PCDH17: variants seen among roughly 807,000 people sequenced by gnomAD.
PCDH17 encodes protocadherin-17.
Under a neutral mutation model 67.7 loss-of-function variants are expected in PCDH17, and 21 were observed. The observed-to-expected ratio is 0.31, with a 90% CI of 0.22 to 0.45. The LOEUF (loss-of-function observed/expected upper bound fraction) is 0.45. Ranked by LOEUF, PCDH17 falls within the 20% of genes least tolerant of loss-of-function variation. PCDH17 has a pLI of 1.00. For missense variants in PCDH17, 1,471 were observed against 1,564.8 expected (o/e 0.94, Z 1.01); for synonymous variants, 701 against 656.7 (o/e 1.07, Z -1.03).
intron 1 of PCDH17, among the ~76,000 whole-genome samples, chr13:57,645,061 C>T (rs1314180973): frequency 6.6e-6 from 1 of 151,628 alleles, no homozygotes; most frequent in African/African-American, 2.4e-5. Flanking sequence ...AGAAATTTAA[C>T]ACCCAACTCA....
chr13:57,632,817 G>A lies in PCDH17; in HGVS notation c.271G>A (p.Asp91Asn). ...GCTCCTCTACACCAAGCAGCGCATC[G>A]ACCGCGAGTCCCTGTGCCGCCACAA... ...SGLLYTKQRI[D>N]RESLCRHNAK... The change falls in exon 1 of 4, where the codon GAC (aspartate) becomes AAC (asparagine). Residue 91 changes from aspartate (D) to asparagine (N), a missense_variant. Asp to Asn is a conservative substitution (Grantham distance 23). Coordinates refer to ENST00000377918, the MANE Select transcript of PCDH17 (RefSeq NM_001040429.3). 1 of 1,613,668 alleles carries A rather than the reference G, an allele frequency of 6.2e-7. No individual in the cohort carries two copies. Among genetic ancestry groups the A allele is most frequent in the Non-Finnish European group, 8.5e-7 (1 of 1,179,980 alleles).
chr13:57,641,573 AAAAAAAAAAAAAAAATATAT>A (rs1432609947), intron 1 of PCDH17, among the ~76,000 whole-genome samples: 11 of 59,980 alleles, frequency 1.8e-4, no homozygotes, highest in African/African-American at 6.7e-4. Context: ...AAAAAAAAAA[AAAAAAAAAAAAAAAATATAT>A]ATATATATAT....
intron 3 of PCDH17, 34 bp from the exon 4 acceptor site, chr13:57,724,578 G>A (rs758043830): frequency 6.4e-7 from 1 of 1,552,542 alleles, no homozygotes; most frequent in Non-Finnish European, 8.8e-7. Flanking sequence ...AAACTCTAAT[G>A]ATTGGATTTG....
At chr13:57,671,875 G>C (rs529026147) in intron 3 of PCDH17, among the ~76,000 whole-genome samples, 1 of 151,952 alleles carries the variant, frequency 6.6e-6, no homozygotes, top group Non-Finnish European at 1.5e-5. Context: ...TTGGGTGGCC[G>C]GCCGTCAGTC....
rs766794348 is a variant in PCDH17, at chr13:57,633,992, C to G, written c.1446C>G (p.His482Gln). Residue 482 changes from histidine to glutamine, a missense_variant, in exon 1 of 4, where the codon CAC becomes CAG. Coordinates refer to ENST00000377918, the MANE Select transcript of PCDH17 (RefSeq NM_001040429.3). This position sits in a 1 kb window ranked among gnomAD's most constrained non-coding sequence, Gnocchi z 6.2. ...AAGGGCTCTACGTGCTTCAGGTGCA[C>G]GAGAACAACATCCCGGGAGAGTACC... ...FTKGLYVLQVHENNIPGEYLG... is the reference protein window; with the variant it reads ...FTKGLYVLQVQENNIPGEYLG... 3.1e-6 allele frequency: 5 copies of G among 1,613,478 alleles called. No individual in the cohort carries two copies. The Admixed American group carries it at 5.0e-5, about 16-fold the overall frequency.
Position 57,724,803 on chromosome 13 carries a change from A to T in PCDH17, c.2989A>T (p.Thr997Ser), listed in dbSNP as rs756849753. 7 of 1,614,030 alleles carry T rather than the reference A, an allele frequency of 4.3e-6. No homozygotes were observed. The highest frequency in any genetic ancestry group is 5.9e-6 in the Non-Finnish European group (7 of 1,180,020). ...AACTGTGAATCCCACTGGGAAAAAGACTTTTTGTACATTTGGAAAAGACAA... is the reference window on the plus strand; with the variant it reads ...AACTGTGAATCCCACTGGGAAAAAGTCTTTTTGTACATTTGGAAAAGACAA... ...YETVNPTGKK[T>S]FCTFGKDKRE... Residue 997 changes from threonine (T) to serine (S), a missense_variant, in exon 4 of 4, where the codon ACT becomes TCT. Physicochemically the swap from Thr to Ser is moderately conservative, Grantham distance 58. Transcript: ENST00000377918.
intron 3 of PCDH17, among the ~76,000 whole-genome samples, chr13:57,680,130 T>G (rs1955434698): frequency 7.0e-6 from 1 of 142,326 alleles, no homozygotes; most frequent in Admixed American, 7.2e-5. Context: ...TAGGTAAATG[T>G]TATATCTACA....
chr13:57,690,029 A>G (rs536406827), intron 3 of PCDH17, among the ~76,000 whole-genome samples: 2 of 151,992 alleles, frequency 1.3e-5, no homozygotes, highest in East Asian at 3.9e-4. Context: ...TGATGAAAAC[A>G]ATGACTCCAT....
intron 3 of PCDH17, among the ~76,000 whole-genome samples, chr13:57,713,506 A>T (rs978954293): frequency 2.6e-5 from 4 of 151,646 alleles, no homozygotes; most frequent in African/African-American, 7.2e-5. Flanking sequence ...TATTTAAAAT[A>T]ATAGTAGCCA....
At chr13:57,630,605 G>A (rs1954706239), upstream of PCDH17, among the ~76,000 whole-genome samples, 1 of 152,164 alleles carries the variant, frequency 6.6e-6, no homozygotes, top group Non-Finnish European at 1.5e-5. Context: ...ACCTAGCAAA[G>A]CAGACGCCTT....
chr13:57,704,545 G>A (rs1169591739), intron 3 of PCDH17, among the ~76,000 whole-genome samples: 4 of 150,356 alleles, frequency 2.7e-5, no homozygotes, highest in East Asian at 3.9e-4. Context: ...AGCCCAGCTT[G>A]CTGACTCAAA....
At chr13:57,631,558 A>G (rs1360762246), upstream of PCDH17, among the ~76,000 whole-genome samples, 1 of 152,124 alleles carries the variant, frequency 6.6e-6, no homozygotes, top group Non-Finnish European at 1.5e-5. Context: ...GAGAAATCAG[A>G]GAGTGTGTTC....
At chr13:57,654,714 G>C (rs1448427787) in intron 1 of PCDH17, among the ~76,000 whole-genome samples, 1 of 151,908 alleles carries the variant, frequency 6.6e-6, no homozygotes, top group Non-Finnish European at 1.5e-5. Flanking sequence ...ATTGACACTA[G>C]TAAAGACACT....
At chr13:57,701,690 G>A (rs1955664124) in intron 3 of PCDH17, among the ~76,000 whole-genome samples, 1 of 152,052 alleles carries the variant, frequency 6.6e-6, no homozygotes, top group Non-Finnish European at 1.5e-5. Flanking sequence ...TATTAGAGAA[G>A]TATGGTGATA....
At chr13:57,658,464 A>G (rs1207138338) in intron 1 of PCDH17, among the ~76,000 whole-genome samples, 1 of 152,154 alleles carries the variant, frequency 6.6e-6, no homozygotes, top group Admixed American at 6.6e-5. Context: ...TAAAGGTCCT[A>G]TTAGTTAATC....
At chr13:57,661,626 G>C (rs1955185134) in intron 1 of PCDH17, among the ~76,000 whole-genome samples, 1 of 151,778 alleles carries the variant, frequency 6.6e-6, no homozygotes, top group South Asian at 2.1e-4. Flanking sequence ...GGGAGAGAAA[G>C]AGAGAGAGAG....
chr13:57,687,956 T>C (rs73207448), intron 3 of PCDH17, among the ~76,000 whole-genome samples: 10,758 of 152,090 alleles, frequency 0.071, 402 homozygotes, highest in Non-Finnish European at 0.087. Context: ...TGTGAGACAA[T>C]TTAGTCTAGA....
intron 3 of PCDH17, among the ~76,000 whole-genome samples, chr13:57,682,503 TTGGC>T (rs1955462157): frequency 6.6e-6 from 1 of 151,790 alleles, no homozygotes; most frequent in Non-Finnish European, 1.5e-5. Flanking sequence ...ACTTTTAACC[TTGGC>T]CAACAAATCC....
chr13:57,641,587 A>AT (rs1275045088), intron 1 of PCDH17, among the ~76,000 whole-genome samples: 3 of 20,584 alleles, frequency 1.5e-4, no homozygotes, highest in Non-Finnish European at 2.9e-4. Flanking sequence ...AAAAAAAAAA[A>AT]ATATATATAT....
Sources: allele counts gnomAD v4.1 joint callset (sites outside exome capture counted in the v4.1 genomes callset), GRCh38; gene constraint gnomAD v4.1.1; non-coding constraint Gnocchi (gnomAD v3.1); transcripts MANE v1.5; gene names NCBI Gene and HGNC (gene_info 2026-07-23, HGNC 2026-07-21).